RASSF3: variants seen among roughly 807,000 people sequenced by gnomAD.
RASSF3 encodes the protein Ras association domain family member 3.
RASSF3 carries 19 observed loss-of-function variants against 19.9 expected under a neutral mutation model. That is an observed-to-expected ratio of 0.96 (90% CI 0.67 to 1.40). The LOEUF (loss-of-function observed/expected upper bound fraction) is 1.40, where lower values mean the gene tolerates loss of function less well. Among genes scored for constraint, RASSF3 ranks in the 40% most tolerant of loss-of-function variants. The pLI, the probability that RASSF3 is intolerant of heterozygous loss-of-function variation, is 0.00. For missense variants in RASSF3, 306 were observed against 289.8 expected (o/e 1.06, Z -0.41); for synonymous variants, 110 against 104.2 (o/e 1.06, Z -0.34).
chr12:64,517,175 C>A (rs1868383119), intron 1 of RASSF3, among the ~76,000 whole-genome samples: 1 of 151,340 alleles, frequency 6.6e-6, no homozygotes, highest in Non-Finnish European at 1.5e-5. Flanking sequence ...AAAAAATAAA[C>A]CTAACAAGAC....
intron 2 of RASSF3, among the ~76,000 whole-genome samples, chr12:64,562,121 A>C (rs1222011740): frequency 1.3e-5 from 2 of 151,652 alleles, no homozygotes; most frequent in Non-Finnish European, 2.9e-5. Flanking sequence ...ACTCACTGCA[A>C]CCTCTGCCTC....
At chr12:64,653,491 G>A (rs1872038110) in intron 1 of RASSF3, among the ~76,000 whole-genome samples, 1 of 152,054 alleles carries the variant, frequency 6.6e-6, no homozygotes, top group Non-Finnish European at 1.5e-5. Flanking sequence ...CTCCAGAGAA[G>A]ATCACATTCT....
At chr12:64,544,290 C>G (rs190520628), downstream of RASSF3, among the ~76,000 whole-genome samples, 3 of 152,206 alleles carry the variant, frequency 2.0e-5, no homozygotes, top group African/African-American at 7.2e-5. Flanking sequence ...CTCTCACACT[C>G]ACTTCGAAGG....
intron 1 of RASSF3, among the ~76,000 whole-genome samples, chr12:64,516,548 G>T (rs1030843762): frequency 1.3e-5 from 2 of 150,102 alleles, no homozygotes; most frequent in African/African-American, 4.9e-5. Context: ...GAACCCGGGA[G>T]GCGGAGCTTG....
At chr12:64,532,604 C>T (rs1018519647), upstream of RASSF3, among the ~76,000 whole-genome samples, 1 of 151,736 alleles carries the variant, frequency 6.6e-6, no homozygotes, top group Admixed American at 6.6e-5. Flanking sequence ...GGGAGGACTG[C>T]TTAAGTCCAG....
chr12:64,695,153 G>A lies in RASSF3; in HGVS notation c.*241G>A. ...TTACCTCTTGGCAAGCTGTGAACCT[G>A]TCGCCTCATCAGGAGCATTCGAGGG... On this transcript the variant is annotated 3_prime_UTR_variant, in exon 5 of 5. Transcript: ENST00000542104. 1 of 431,234 alleles carries A rather than the reference G, an allele frequency of 2.3e-6. No individual in the cohort carries two copies. The highest frequency in any genetic ancestry group is 4.2e-6 in the Non-Finnish European group (1 of 239,158). The allele number at this position is 431,234 out of a possible 1,614,324, so 26.7% of individuals were successfully genotyped here.
chr12:64,559,581 A>G (rs1243430563), intron 2 of RASSF3, among the ~76,000 whole-genome samples: 2 of 151,782 alleles, frequency 1.3e-5, no homozygotes, highest in Admixed American at 1.3e-4. Context: ...TTGTGGGTCC[A>G]TTTTCCTTAG....
intron 1 of RASSF3, among the ~76,000 whole-genome samples, chr12:64,638,521 G>A (rs367710448): frequency 1.3e-5 from 2 of 151,612 alleles, no homozygotes; most frequent in Non-Finnish European, 2.9e-5. Context: ...CGGAGCTTGC[G>A]GTGAGCCGAG....
downstream of RASSF3, among the ~76,000 whole-genome samples, chr12:64,543,194 C>T (rs113710485): frequency 2.6e-3 from 259 of 98,428 alleles, 9 homozygotes; most frequent in Non-Finnish European, 4.5e-3. Flanking sequence ...AGTGGCGGGC[C>T]CCGCACTTGG....
At chr12:64,678,343 T>G (rs991553367) in intron 1 of RASSF3, among the ~76,000 whole-genome samples, 3 of 152,182 alleles carry the variant, frequency 2.0e-5, no homozygotes, top group African/African-American at 7.2e-5. Flanking sequence ...AAGTAGGAAT[T>G]CATGATTTCA....
chr12:64,645,265 ATG>A (rs1282995753), intron 1 of RASSF3, among the ~76,000 whole-genome samples: 9 of 152,248 alleles, frequency 5.9e-5, no homozygotes, highest in African/African-American at 1.9e-4. Context: ...AGTGATGAAT[ATG>A]TATTGAATAT....
intron 2 of RASSF3, among the ~76,000 whole-genome samples, chr12:64,572,421 C>T (rs1464833895): frequency 6.6e-6 from 1 of 151,946 alleles, no homozygotes; most frequent in African/African-American, 2.4e-5. Context: ...GGAAAGCCCT[C>T]ACCAGAACTT....
intron 2 of RASSF3, among the ~76,000 whole-genome samples, chr12:64,604,004 C>T (rs11175465): frequency 1.6e-3 from 249 of 151,644 alleles, no homozygotes; most frequent in Non-Finnish European, 2.8e-3. Flanking sequence ...TACGCCACCA[C>T]GCCCAGCTCA....
At chr12:64,605,887 CAA>C (rs34242846), upstream of RASSF3, among the ~76,000 whole-genome samples, 6,853 of 82,322 alleles carry the variant, frequency 0.083, 493 homozygotes, top group African/African-American at 0.28. Context: ...AACTCCGTCT[CAA>C]AAAAAAAAAA....
chr12:64,642,277 G>T (rs1871562226), intron 1 of RASSF3, among the ~76,000 whole-genome samples: 1 of 151,750 alleles, frequency 6.6e-6, no homozygotes, highest in South Asian at 2.1e-4. Flanking sequence ...GGTTCATCAA[G>T]GGCCGGGCCC....
chr12:64,663,168 C>T (rs1292284580), intron 1 of RASSF3, among the ~76,000 whole-genome samples: 1 of 152,144 alleles, frequency 6.6e-6, no homozygotes, highest in Non-Finnish European at 1.5e-5. Flanking sequence ...CTACCCCTCA[C>T]CCTTTCATTC....
intron 1 of RASSF3, among the ~76,000 whole-genome samples, chr12:64,647,271 C>T (rs1427792826): frequency 6.6e-6 from 1 of 151,856 alleles, no homozygotes; most frequent in Admixed American, 6.6e-5. Flanking sequence ...TTTTTTAAGA[C>T]AGAGCCTCAC....
chr12:64,553,498 A>T (rs997322585), intron 2 of RASSF3, among the ~76,000 whole-genome samples: 1 of 152,204 alleles, frequency 6.6e-6, no homozygotes, highest in African/African-American at 2.4e-5. Flanking sequence ...AAAGAGAAGT[A>T]TGCCATTTGG....
At chr12:64,689,869 G>A (rs901583518) in intron 3 of RASSF3, among the ~76,000 whole-genome samples, 3 of 138,798 alleles carry the variant, frequency 2.2e-5, no homozygotes, top group East Asian at 2.3e-4. Flanking sequence ...CTCACTGCAA[G>A]CTCCACCTCC....
Sources: allele counts gnomAD v4.1 joint callset (sites outside exome capture counted in the v4.1 genomes callset), GRCh38; gene constraint gnomAD v4.1.1; transcripts MANE v1.5; gene names NCBI Gene and HGNC (gene_info 2026-07-23, HGNC 2026-07-21).